Variants in PRDM5 observed in about 807,000 individuals in gnomAD.
PRDM5 encodes PR domain zinc finger protein 5.
A neutral mutation model predicts 81.2 loss-of-function variants in PRDM5; 56 were observed. That is an observed-to-expected ratio of 0.69 (90% CI 0.56 to 0.86). The LOEUF (loss-of-function observed/expected upper bound fraction) is 0.86, where lower values mean the gene tolerates loss of function less well. Among genes scored for constraint, PRDM5 ranks in the 40% least tolerant of loss-of-function variants. PRDM5 has a pLI of 0.00. For missense variants in PRDM5, 697 were observed against 770.1 expected, an observed-to-expected ratio of 0.91 and a Z score of 1.12; for synonymous variants, 267 against 256.4, an observed-to-expected ratio of 1.04 and a Z score of -0.39.
intron 15 of PRDM5, among the ~76,000 whole-genome samples, chr4:120,702,026 C>T (rs956786254): frequency 6.6e-6 from 1 of 152,094 alleles, no homozygotes; most frequent in Non-Finnish European, 1.5e-5. Context: ...GGGGGTATCT[C>T]ACTGTCTCAA....
In PRDM5 at chr4:120,737,072, T is replaced by C. The variant is rs1419336098; in HGVS notation, c.1623+17481A>G. Among the ~76,000 whole-genome samples the C allele has an allele frequency of 2.0e-5, 3 of 152,108 alleles. No individual in the cohort carries two copies. The East Asian group carries it at 5.8e-4, about 29-fold the overall frequency. On this transcript the variant is annotated intron_variant, in intron 14 of 15. Coordinates refer to ENST00000264808, the MANE Select transcript of PRDM5 (RefSeq NM_018699.4). ...ATAGTCCATGCTGTGGCCTGAGGTG[T>C]CTGCCCACCTGAGCTTCATCTGTCA...
intron 2 of PRDM5, among the ~76,000 whole-genome samples, chr4:120,865,159 G>A (rs1186386919): frequency 6.6e-6 from 1 of 152,168 alleles, no homozygotes; most frequent in Non-Finnish European, 1.5e-5. Context: ...GGCTGCACGG[G>A]AACCTTTCAA....
chr4:120,781,977 A>T (rs1749105608), intron 11 of PRDM5, among the ~76,000 whole-genome samples: 1 of 152,098 alleles, frequency 6.6e-6, no homozygotes, highest in South Asian at 2.1e-4. Context: ...TGGGTATTTC[A>T]CTTTCTTCTC....
intron 3 of PRDM5, among the ~76,000 whole-genome samples, chr4:120,845,041 T>C (rs1758498737): frequency 6.6e-6 from 1 of 152,162 alleles, no homozygotes; most frequent in Non-Finnish European, 1.5e-5. Context: ...TTCAATTCTG[T>C]GAAGGCTGAG....
chr4:120,741,009 T>C (rs568857145), intron 14 of PRDM5, among the ~76,000 whole-genome samples: 7 of 152,282 alleles, frequency 4.6e-5, no homozygotes, highest in African/African-American at 1.7e-4. Context: ...TGGCCTGCCC[T>C]CTACCATACT....
intron 8 of PRDM5, among the ~76,000 whole-genome samples, chr4:120,809,332 T>C (rs549028459): frequency 1.5e-4 from 23 of 152,210 alleles, no homozygotes; most frequent in African/African-American, 5.5e-4. Flanking sequence ...ACATGGCCCA[T>C]GTATACCTAT....
intron 8 of PRDM5, 131 bp from the exon 9 acceptor site, chr4:120,799,876 A>G: frequency 6.8e-7 from 1 of 1,463,676 alleles, no homozygotes; most frequent in Non-Finnish European, 9.1e-7. Flanking sequence ...ATTCAGCCCT[A>G]ATTTGTTCAC....
At chr4:120,899,799 G>A (rs1167104444) in intron 2 of PRDM5, among the ~76,000 whole-genome samples, 2 of 152,152 alleles carry the variant, frequency 1.3e-5, no homozygotes, top group South Asian at 2.1e-4. Context: ...CCTGCACCAG[G>A]CAGTGGCAAG....
chr4:120,839,733 C>A (rs1218120511), intron 3 of PRDM5, among the ~76,000 whole-genome samples: 1 of 152,200 alleles, frequency 6.6e-6, no homozygotes, highest in Non-Finnish European at 1.5e-5. Context: ...TGCCCAGGAG[C>A]CTATCTGCCT....
At chr4:120,697,861 A>G (rs901536754) in intron 15 of PRDM5, among the ~76,000 whole-genome samples, 6 of 151,876 alleles carry the variant, frequency 4.0e-5, no homozygotes, top group Non-Finnish European at 8.8e-5. Context: ...GAAGAAACAT[A>G]GAGAAAAGAA....
At chr4:120,800,396 G>A (rs1188469980) in intron 8 of PRDM5, among the ~76,000 whole-genome samples, 16 of 151,942 alleles carry the variant, frequency 1.1e-4, no homozygotes, top group Non-Finnish European at 1.5e-5. Context: ...ATACGTCTGT[G>A]GTCCCAGCTA....
chr4:120,797,650 GA>G (rs1026707170), intron 10 of PRDM5, among the ~76,000 whole-genome samples: 1 of 152,108 alleles, frequency 6.6e-6, no homozygotes, highest in Admixed American at 6.5e-5. Flanking sequence ...CAAAGAGAAT[GA>G]AAAAACCATT....
intron 3 of PRDM5, among the ~76,000 whole-genome samples, chr4:120,850,423 T>C (rs1759126854): frequency 6.6e-6 from 1 of 152,082 alleles, no homozygotes; most frequent in African/African-American, 2.4e-5. Context: ...CTCTCTGCCT[T>C]TAGCTCAGAT....
intron 15 of PRDM5, among the ~76,000 whole-genome samples, chr4:120,698,462 C>T (rs941665974): frequency 2.6e-5 from 4 of 152,146 alleles, no homozygotes; most frequent in African/African-American, 9.7e-5. Flanking sequence ...GTGCCCAATC[C>T]TTGGCTTTCT....
chr4:120,850,695 C>T (rs1336797554), intron 3 of PRDM5, among the ~76,000 whole-genome samples: 3 of 152,118 alleles, frequency 2.0e-5, no homozygotes, highest in Non-Finnish European at 4.4e-5. Context: ...AGAGAGCCCA[C>T]CAGTTACATA....
intron 15 of PRDM5, among the ~76,000 whole-genome samples, chr4:120,709,926 A>C (rs1736707035): frequency 6.6e-6 from 1 of 152,174 alleles, no homozygotes; most frequent in South Asian, 2.1e-4. Context: ...CAAGTAAATA[A>C]TATGTATGAC....
chr4:120,865,597 C>A (rs1043230943), intron 2 of PRDM5, among the ~76,000 whole-genome samples: 20 of 152,182 alleles, frequency 1.3e-4, no homozygotes, highest in Non-Finnish European at 1.6e-4. Flanking sequence ...AGGGTTATAG[C>A]GATGCATGGT....
intron 2 of PRDM5, among the ~76,000 whole-genome samples, chr4:120,887,818 A>T (rs1378007855): frequency 1.2e-5 from 1 of 82,642 alleles, no homozygotes. Context: ...TTTGAGACGG[A>T]GTCTCGCTCT....
rs539562723 is a variant in PRDM5, at chr4:120,883,571, G to C, written c.177+23903C>G. ...CACAGGAAGGGCAACATCACACACC[G>C]GTGCCTGTTGTGGGGTGGGGGGAGG... On this transcript the variant is annotated intron_variant, in intron 2 of 15. Coordinates refer to ENST00000264808, the MANE Select transcript of PRDM5 (RefSeq NM_018699.4). 2.8e-3 allele frequency among the ~76,000 whole-genome samples: 369 copies of C among 134,088 alleles called. 1 individual carries two copies. Among genetic ancestry groups the C allele is most frequent in the African/African-American group, 0.011 (352 of 32,968 alleles). The allele number at this position is 134,088 out of a possible 152,430, so 88.0% of individuals were successfully genotyped here. A position where few individuals can be genotyped will look rare whatever the true frequency, so the allele number is the denominator to read the frequency against.
Sources: allele counts gnomAD v4.1 joint callset (sites outside exome capture counted in the v4.1 genomes callset), GRCh38; gene constraint gnomAD v4.1.1; transcripts MANE v1.5; gene names NCBI Gene and HGNC (gene_info 2026-07-23, HGNC 2026-07-21).